The following SPHKAP variants were observed in gnomAD, a reference collection of about 807,000 sequenced individuals.
SPHKAP encodes A-kinase anchor protein SPHKAP.
SPHKAP carries 67 observed loss-of-function variants against 137.5 expected under a neutral mutation model. The observed-to-expected ratio is 0.49, with a 90% CI of 0.40 to 0.60. SPHKAP has a LOEUF of 0.60. SPHKAP is among the 20% of genes least tolerant of loss of function. SPHKAP has a pLI of 0.00. For missense variants in SPHKAP, 2,097 were observed against 2,069.3 expected, an observed-to-expected ratio of 1.01 and a Z score of -0.26; for synonymous variants, 813 against 785.3, an observed-to-expected ratio of 1.04 and a Z score of -0.59.
At chr2:228,152,434 G>A (rs1448819295) in intron 1 of SPHKAP, among the ~76,000 whole-genome samples, 6 of 152,040 alleles carry the variant, frequency 3.9e-5, no homozygotes, top group Non-Finnish European at 7.4e-5. Context: ...TTGCCCAGCT[G>A]CATGTTTTCT....
At chr2:228,012,374 C>T (rs191340478) in intron 7 of SPHKAP, among the ~76,000 whole-genome samples, 1 of 151,972 alleles carries the variant, frequency 6.6e-6, no homozygotes, top group Non-Finnish European at 1.5e-5. Flanking sequence ...ATAGTGGGAA[C>T]ATTTTTCGGG....
intron 4 of SPHKAP, chr2:228,025,782 T>G (rs1695012086): frequency 1.2e-6 from 1 of 815,496 alleles, no homozygotes; most frequent in South Asian, 5.7e-5. Flanking sequence ...AAACATAAAG[T>G]AAACATTATG....
At chr2:228,039,543 TA>T (rs1246491311) in intron 3 of SPHKAP, among the ~76,000 whole-genome samples, 1 of 152,180 alleles carries the variant, frequency 6.6e-6, no homozygotes, top group Non-Finnish European at 1.5e-5. Flanking sequence ...TTTGTAAAAC[TA>T]AAATTTTGTT....
At chr2:228,036,422 T>G (rs188476277) in intron 3 of SPHKAP, among the ~76,000 whole-genome samples, 175 of 152,320 alleles carry the variant, frequency 1.1e-3, no homozygotes, top group Middle Eastern at 3.4e-3. Context: ...GGAACACTTT[T>G]ACACTGTTGG....
intron 11 of SPHKAP, 130 bp downstream of exon 11, chr2:227,990,870 G>C: frequency 2.2e-6 from 2 of 904,264 alleles, no homozygotes; most frequent in South Asian, 3.5e-5. Context: ...TGTTCTAGCC[G>C]CAATTTTAAG....
At chr2:228,149,234 C>T (rs901053823) in intron 1 of SPHKAP, among the ~76,000 whole-genome samples, 4 of 152,166 alleles carry the variant, frequency 2.6e-5, no homozygotes, top group Admixed American at 6.5e-5. Flanking sequence ...CTACACAATG[C>T]TCACCTGTAA....
At chr2:228,001,528 C>CAT (rs1208543080) in intron 7 of SPHKAP, among the ~76,000 whole-genome samples, 1 of 141,774 alleles carries the variant, frequency 7.1e-6, no homozygotes, top group Non-Finnish European at 1.5e-5. Flanking sequence ...AATATATATA[C>CAT]ATATATATAA....
Position 228,019,923 on chromosome 2 carries a change from C to T in SPHKAP, c.931G>A (p.Glu311Lys), listed in dbSNP as rs956751281. 1 of 1,614,136 alleles carries T rather than the reference C, an allele frequency of 6.2e-7. No individual in the cohort carries two copies. Among genetic ancestry groups the T allele is most frequent in the African/African-American group, 1.3e-5 (1 of 74,938 alleles). The change falls in exon 7 of 12, where the codon GAA becomes AAA. Residue 311 changes from glutamate to lysine, a missense_variant. By Grantham distance (56) the Glu-to-Lys change is moderately conservative (BLOSUM62 1). Transcript: ENST00000392056. The part of the protein sequence containing the change: ...PSAKPSQWKR[E>K]AVGNGRQATH... ...GCTTGTCTCCCATTCCCCACAGCTT[C>T]TCTTTTCCACTGTGATGGCTTGGCT...
rs1559347914 is a variant in SPHKAP at position 228,017,000 on chromosome 2, A to T, written c.3854T>A (p.Leu1285His). ...ATACAAGCAAGAGTCAGATTTGCAG[A>T]GACCGGATGAGGACGCGCTACTGAC... is the stretch of plus-strand genomic sequence containing the variant. Reference protein sequence around the residue: ...QPVSSASSSGLCKSDSCLYRR... With the variant: ...QPVSSASSSGHCKSDSCLYRR... The change falls in exon 7 of 12, where the codon CTC becomes CAC. Residue 1285 changes from leucine to histidine, a missense_variant. By Grantham distance (99) the Leu-to-His change is moderately conservative. Transcript: ENST00000392056. The T allele has an allele frequency of 6.2e-7, 1 of 1,614,168 alleles. No individual in the cohort carries two copies.
intron 3 of SPHKAP, among the ~76,000 whole-genome samples, chr2:228,071,023 C>G (rs147645334): frequency 9.9e-5 from 15 of 152,100 alleles, no homozygotes. Context: ...ATTTCAGGGA[C>G]GGAGCATTGA....
intron 3 of SPHKAP, among the ~76,000 whole-genome samples, chr2:228,052,631 T>C (rs1696300025): frequency 6.6e-6 from 1 of 152,188 alleles, no homozygotes; most frequent in South Asian, 2.1e-4. Flanking sequence ...GAGACTCTTT[T>C]CAAATAAGCA....
At chr2:227,996,605 T>C (rs1460746437) in intron 7 of SPHKAP, among the ~76,000 whole-genome samples, 1 of 152,224 alleles carries the variant, frequency 6.6e-6, no homozygotes, top group Non-Finnish European at 1.5e-5. Context: ...TTCTGGATTC[T>C]GGGCTCCTTT....
intron 3 of SPHKAP, among the ~76,000 whole-genome samples, chr2:228,085,261 A>G (rs765503264): frequency 2.0e-5 from 3 of 152,174 alleles, no homozygotes; most frequent in Admixed American, 1.3e-4. Context: ...TGTCAGGTTT[A>G]TTTTTGTTTG....
At chr2:228,041,410 C>T (rs1363310774) in intron 3 of SPHKAP, among the ~76,000 whole-genome samples, 2 of 152,000 alleles carry the variant, frequency 1.3e-5, no homozygotes, top group African/African-American at 2.4e-5. Context: ...TTTGGGAGGC[C>T]GAGGCAGGTG....
chr2:228,086,038 A>G (rs1697527122), intron 3 of SPHKAP, among the ~76,000 whole-genome samples: 1 of 152,120 alleles, frequency 6.6e-6, no homozygotes, highest in Admixed American at 6.6e-5. Context: ...AAACCCAAAC[A>G]TCTCCAAAGG....
intron 3 of SPHKAP, among the ~76,000 whole-genome samples, chr2:228,067,660 G>C (rs776081249): frequency 1.3e-5 from 2 of 152,084 alleles, no homozygotes; most frequent in Non-Finnish European, 2.9e-5. Context: ...ATATTGAGCA[G>C]GTACAGGTAA....
At chr2:228,076,207 T>C (rs1697179553) in intron 3 of SPHKAP, among the ~76,000 whole-genome samples, 1 of 152,228 alleles carries the variant, frequency 6.6e-6, no homozygotes, top group South Asian at 2.1e-4. Context: ...ATAAACACTT[T>C]TTCCTGTATA....
At position 228,021,414 on chromosome 2, in the gene SPHKAP, T is replaced by C. The variant is rs372955255; in HGVS notation, c.697+297A>G. 6.8e-4 allele frequency among the ~76,000 whole-genome samples: 104 copies of C among 152,292 alleles called. 1 individual carries two copies. Among genetic ancestry groups the C allele is most frequent in the Middle Eastern group, 3.4e-3 (1 of 294 alleles). On this transcript the variant is annotated intron_variant, in intron 6 of 11. Coordinates refer to ENST00000392056, the MANE Select transcript of SPHKAP (RefSeq NM_001142644.2). Reference sequence around the variant, plus strand: ...GGGAAGTTAACTTTCCTCCCAGTGATAGCCTCCATCTCTTGGCAGGCAGGA... The same window carrying C: ...GGGAAGTTAACTTTCCTCCCAGTGACAGCCTCCATCTCTTGGCAGGCAGGA...
intron 3 of SPHKAP, among the ~76,000 whole-genome samples, chr2:228,032,463 T>A (rs1212968567): frequency 6.6e-6 from 1 of 152,210 alleles, no homozygotes; most frequent in Non-Finnish European, 1.5e-5. Context: ...CTCTGCAGGA[T>A]GTTATCCAGG....
Sources: allele counts gnomAD v4.1 joint callset (sites outside exome capture counted in the v4.1 genomes callset), GRCh38; gene constraint gnomAD v4.1.1; transcripts MANE v1.5; gene names NCBI Gene and HGNC (gene_info 2026-07-23, HGNC 2026-07-21).